CEP83: variants seen among roughly 807,000 people sequenced by gnomAD.
CEP83 encodes the protein centrosomal protein 83.
CEP83 carries 70 observed loss-of-function variants against 101.9 expected under a neutral mutation model. The ratio of observed to expected loss-of-function variants is 0.69; its 90% CI spans 0.57 to 0.84. CEP83 has a LOEUF of 0.84. Ranked by LOEUF, CEP83 falls within the 40% of genes least tolerant of loss-of-function variation. CEP83 has a pLI of 0.00. For missense variants in CEP83, 715 were observed against 787.2 expected, an observed-to-expected ratio of 0.91 and a Z score of 1.10; for synonymous variants, 264 against 267.9, an observed-to-expected ratio of 0.99 and a Z score of 0.14.
chr12:94,385,288 G>A (rs1010829931), intron 6 of CEP83, among the ~76,000 whole-genome samples: 13 of 152,130 alleles, frequency 8.5e-5, no homozygotes, highest in African/African-American at 3.1e-4. Context: ...AGGGCCAGAT[G>A]TGGCCTCCAT....
chr12:94,420,884 AAAGG>A (rs1301900044), intron 2 of CEP83, among the ~76,000 whole-genome samples: 14 of 152,288 alleles, frequency 9.2e-5, no homozygotes, highest in African/African-American at 3.1e-4. Flanking sequence ...ATGTATAAAG[AAAGG>A]AACTATATTA....
intron 11 of CEP83, among the ~76,000 whole-genome samples, chr12:94,366,294 C>A (rs992065882): frequency 6.6e-6 from 1 of 151,962 alleles, no homozygotes; most frequent in African/African-American, 2.4e-5. Flanking sequence ...TAACAAACCA[C>A]ATTAAAGGAG....
At chr12:94,341,364 C>T (rs1400709662) in intron 11 of CEP83, among the ~76,000 whole-genome samples, 1 of 151,936 alleles carries the variant, frequency 6.6e-6, no homozygotes, top group Non-Finnish European at 1.5e-5. Context: ...TTATACTTTC[C>T]ATTTCCTTAG....
chr12:94,379,957 A>T (rs182452252), intron 6 of CEP83, among the ~76,000 whole-genome samples: 10 of 151,928 alleles, frequency 6.6e-5, no homozygotes, highest in Non-Finnish European at 1.2e-4. Context: ...TAAATGATTC[A>T]GCTGGGTTTT....
chr12:94,357,734 G>C (rs1172179039), intron 11 of CEP83, among the ~76,000 whole-genome samples: 2 of 152,160 alleles, frequency 1.3e-5, no homozygotes, highest in Non-Finnish European at 2.9e-5. Flanking sequence ...CTTTTAGGAA[G>C]GTCTAGTGTA....
the CEP83 span, among the ~76,000 whole-genome samples, chr12:94,285,935 C>A: frequency 6.6e-6 from 1 of 152,086 alleles, no homozygotes; most frequent in Admixed American, 6.6e-5. Context: ...TGGGGTGGGC[C>A]GCAGAGGCAG....
At chr12:94,400,160 T>C (rs2063168282) in intron 6 of CEP83, among the ~76,000 whole-genome samples, 1 of 152,210 alleles carries the variant, frequency 6.6e-6, no homozygotes, top group African/African-American at 2.4e-5. Flanking sequence ...TACCAACCTA[T>C]TTTTTATGAA....
intron 1 of CEP83, among the ~76,000 whole-genome samples, chr12:94,454,380 T>C (rs939831802): frequency 6.6e-6 from 1 of 152,224 alleles, no homozygotes; most frequent in Admixed American, 6.5e-5. Flanking sequence ...CTGGGTCCGG[T>C]GTGGACTTGG....
At chr12:94,266,601 G>T in the CEP83 span, among the ~76,000 whole-genome samples, 2 of 152,288 alleles carry the variant, frequency 1.3e-5, no homozygotes, top group East Asian at 3.9e-4. Context: ...TGGTAGAGTG[G>T]TTAACAGCAT....
At chr12:94,321,977 A>G (rs1215641378) in intron 14 of CEP83, among the ~76,000 whole-genome samples, 2 of 151,984 alleles carry the variant, frequency 1.3e-5, no homozygotes, top group Non-Finnish European at 2.9e-5. Flanking sequence ...CCAGTACCTG[A>G]AGATATCAAC....
At chr12:94,268,588 C>CTTTTTTTTTTT in the CEP83 span, among the ~76,000 whole-genome samples, 44 of 90,884 alleles carry the variant, frequency 4.8e-4, 1 homozygote, top group African/African-American at 1.6e-3. Context: ...AGAATAAGAC[C>CTTTTTTTTTTT]TTTTTTTTTT....
At chr12:94,305,468 T>G, downstream of CEP83, 1 of 557,256 alleles carries the variant, frequency 1.8e-6, no homozygotes, top group Non-Finnish European at 3.2e-6. Flanking sequence ...CTTGTGCCTG[T>G]GTGTATACCG....
At chr12:94,273,786 C>T in the CEP83 span, among the ~76,000 whole-genome samples, 1 of 152,166 alleles carries the variant, frequency 6.6e-6, no homozygotes, top group African/African-American at 2.4e-5. Context: ...ACAAAATGAG[C>T]TCTGGCAGTT....
chr12:94,365,552 C>T (rs2060978464), intron 11 of CEP83, among the ~76,000 whole-genome samples: 1 of 152,042 alleles, frequency 6.6e-6, no homozygotes, highest in African/African-American at 2.4e-5. Context: ...GGCAGATCAC[C>T]CGAAGCCAGA....
At position 94,424,574 on chromosome 12, in the gene CEP83, T is replaced by C. The variant is rs964328203; in HGVS notation, c.-102+10701A>G. On this transcript the variant is annotated intron_variant, in intron 2 of 16. Coordinates refer to ENST00000397809, the MANE Select transcript of CEP83 (RefSeq NM_016122.3). ...TGAGATGTATAAATTTGTGGGGTCCTGTTCCTGTTGCTTTACCATCTGTGC... is the reference window on the plus strand; with the variant it reads ...TGAGATGTATAAATTTGTGGGGTCCCGTTCCTGTTGCTTTACCATCTGTGC... 21 of 1,613,400 alleles carry C rather than the reference T, an allele frequency of 1.3e-5. 1 individual carries two copies. In the South Asian group the frequency reaches 1.5e-4, roughly 12 times the overall value.
chr12:94,384,718 CA>C (rs756671132), intron 6 of CEP83, among the ~76,000 whole-genome samples: 3 of 152,170 alleles, frequency 2.0e-5, no homozygotes, highest in Non-Finnish European at 2.9e-5. Context: ...GTCACTCTTT[CA>C]GTTCTAAAAT....
chr12:94,388,665 T>C (rs573662763), intron 6 of CEP83, among the ~76,000 whole-genome samples: 1 of 152,162 alleles, frequency 6.6e-6, no homozygotes, highest in South Asian at 2.1e-4. Context: ...AAAGAGAAAA[T>C]AATTTGGAAA....
intron 11 of CEP83, among the ~76,000 whole-genome samples, chr12:94,348,163 A>C (rs1034587973): frequency 6.6e-6 from 1 of 152,040 alleles, no homozygotes; most frequent in East Asian, 1.9e-4. Context: ...AGAAAGAAAG[A>C]AAGCACACGT....
chr12:94,354,066 C>T (rs946393577), intron 11 of CEP83, among the ~76,000 whole-genome samples: 26 of 152,168 alleles, frequency 1.7e-4, no homozygotes, highest in African/African-American at 6.3e-4. Context: ...ATACCCCACT[C>T]TCTGCATTAG....
Sources: allele counts gnomAD v4.1 joint callset (sites outside exome capture counted in the v4.1 genomes callset), GRCh38; gene constraint gnomAD v4.1.1; transcripts MANE v1.5; gene names NCBI Gene and HGNC (gene_info 2026-07-23, HGNC 2026-07-21).